The following DLGAP1 variants were observed in gnomAD, a reference collection of about 807,000 sequenced individuals.
DLGAP1 encodes the protein disks large-associated protein 1.
DLGAP1 carries 11 observed loss-of-function variants against 90.8 expected under a neutral mutation model. The observed-to-expected ratio is 0.12, with a 90% CI of 0.08 to 0.20. The LOEUF is 0.20. Ranked by LOEUF, DLGAP1 falls within the 10% of genes least tolerant of loss-of-function variation. The pLI is 1.00. For missense variants in DLGAP1, 1,050 were observed against 1,333.8 expected (o/e 0.79, Z 3.31); for synonymous variants, 558 against 540.7 (o/e 1.03, Z -0.44).
At chr18:4,173,773 C>A (rs1031312265) in intron 1 of DLGAP1, among the ~76,000 whole-genome samples, 1 of 152,146 alleles carries the variant, frequency 6.6e-6, no homozygotes, top group Admixed American at 6.5e-5. Context: ...GTAAACAGAC[C>A]TGATGGAAGC....
At chr18:4,232,716 T>A (rs918935675) in intron 1 of DLGAP1, among the ~76,000 whole-genome samples, 5 of 152,138 alleles carry the variant, frequency 3.3e-5, no homozygotes, top group Non-Finnish European at 7.3e-5. Context: ...TGTAACTCAA[T>A]CCATGGTCAA....
chr18:3,701,748 T>A (rs541404205), intron 7 of DLGAP1, among the ~76,000 whole-genome samples: 9 of 152,308 alleles, frequency 5.9e-5, no homozygotes, highest in South Asian at 4.2e-4. Flanking sequence ...TGGGTTGGTA[T>A]ATTTTGGGTT....
rs145510613 is a variant in DLGAP1 at position 3,690,168 on chromosome 18, A to T, written c.1591+38967T>A. Among the ~76,000 whole-genome samples the T allele has an allele frequency of 2.4e-3, 324 of 137,198 alleles. 9 individuals carry two copies. The East Asian group carries it at 0.055, about 23-fold the overall frequency. The allele number at this position is 137,198 out of a possible 152,430, so 90.0% of individuals were successfully genotyped here. On this transcript the variant is annotated intron_variant, in intron 7 of 12. Transcript: ENST00000315677. ...CTGGTGCAATCACAGCTCACTGCGG[A>T]CTCGAACTCCTGGGCTTAAGTGATC...
intron 1 of DLGAP1, among the ~76,000 whole-genome samples, chr18:4,320,419 G>A (rs975566510): frequency 2.0e-5 from 3 of 152,086 alleles, no homozygotes; most frequent in Admixed American, 6.5e-5. Context: ...GATATATTCT[G>A]TCATTGTCTC....
intron 7 of DLGAP1, chr18:3,656,072 G>T: frequency 6.5e-7 from 1 of 1,542,730 alleles, no homozygotes; most frequent in Non-Finnish European, 8.7e-7. Context: ...TTTTGTGGTT[G>T]TAAAAACATA....
At chr18:3,527,980 T>G (rs905036061) in intron 10 of DLGAP1, among the ~76,000 whole-genome samples, 5 of 152,222 alleles carry the variant, frequency 3.3e-5, no homozygotes, top group Non-Finnish European at 7.3e-5. Context: ...TTATGTACAT[T>G]CACCAAACAT....
chr18:3,988,691 C>A (rs1444289208), intron 3 of DLGAP1, among the ~76,000 whole-genome samples: 1 of 152,102 alleles, frequency 6.6e-6, no homozygotes, highest in Non-Finnish European at 1.5e-5. Context: ...GCGATGCAGC[C>A]CGGTTCCTAA....
intron 3 of DLGAP1, among the ~76,000 whole-genome samples, chr18:3,961,209 C>T (rs1001901497): frequency 6.6e-6 from 1 of 152,104 alleles, no homozygotes; most frequent in Non-Finnish European, 1.5e-5. Context: ...ATCCTGAGGC[C>T]TCTCTCCTGC....
At chr18:4,015,637 C>A (rs778504169) in intron 2 of DLGAP1, among the ~76,000 whole-genome samples, 1 of 152,080 alleles carries the variant, frequency 6.6e-6, no homozygotes, top group Non-Finnish European at 1.5e-5. Flanking sequence ...ACACTGGCTA[C>A]GACATATCAG....
chr18:3,770,043 T>C (rs572795537), intron 5 of DLGAP1: 12 of 152,278 alleles, frequency 7.9e-5, no homozygotes, highest in African/African-American at 2.9e-4. Context: ...AGTTCAAAGC[T>C]GGACATTGGA....
chr18:3,902,689 C>T (rs2071810158), intron 3 of DLGAP1, among the ~76,000 whole-genome samples: 1 of 152,144 alleles, frequency 6.6e-6, no homozygotes, highest in Non-Finnish European at 1.5e-5. Flanking sequence ...TTTAGTTTAG[C>T]TTTAAAGACT....
At chr18:4,061,775 A>T in intron 2 of DLGAP1, among the ~76,000 whole-genome samples, 1 of 152,200 alleles carries the variant, frequency 6.6e-6, no homozygotes, top group South Asian at 2.1e-4. Context: ...ACAGTAAATT[A>T]TGTGTGCCAC....
At chr18:3,965,649 C>T (rs2073310226) in intron 3 of DLGAP1, among the ~76,000 whole-genome samples, 1 of 152,058 alleles carries the variant, frequency 6.6e-6, no homozygotes, top group African/African-American at 2.4e-5. Flanking sequence ...AAGTACTGTT[C>T]TAAATAATAG....
intron 1 of DLGAP1, among the ~76,000 whole-genome samples, chr18:4,441,682 A>T (rs1168529825): frequency 6.6e-6 from 1 of 152,222 alleles, no homozygotes; most frequent in Non-Finnish European, 1.5e-5. Context: ...AAGAGAAGTG[A>T]CACTTCAAGA....
chr18:4,451,887 T>C (rs752668728), intron 1 of DLGAP1, among the ~76,000 whole-genome samples: 4 of 152,154 alleles, frequency 2.6e-5, no homozygotes, highest in Non-Finnish European at 5.9e-5. Context: ...ACCACAGACA[T>C]AGGCATAGAT....
intron 9 of DLGAP1, among the ~76,000 whole-genome samples, chr18:3,559,599 A>G (rs1283935522): frequency 7.0e-6 from 1 of 141,926 alleles, no homozygotes; most frequent in Non-Finnish European, 1.5e-5. Context: ...AGTTTGCATT[A>G]TGCATTTACC....
At chr18:4,275,891 A>C (rs991091536) in intron 1 of DLGAP1, among the ~76,000 whole-genome samples, 24 of 152,200 alleles carry the variant, frequency 1.6e-4, no homozygotes, top group Admixed American at 1.6e-3. Flanking sequence ...TCCAGAAGTG[A>C]GTTCATTGAT....
chr18:3,915,169 G>T (rs773023819), intron 3 of DLGAP1, among the ~76,000 whole-genome samples: 13 of 152,152 alleles, frequency 8.5e-5, no homozygotes, highest in African/African-American at 2.7e-4. Flanking sequence ...TTCTTTTGAG[G>T]CATGTCTATT....
rs1381854878 is a variant in DLGAP1 at position 3,716,994 on chromosome 18, G to A, written c.1591+12141C>T. On this transcript the variant is annotated intron_variant, in intron 7 of 12. Coordinates refer to ENST00000315677, the MANE Select transcript of DLGAP1 (RefSeq NM_004746.4). ...AATTTAAAAATTTTTTTAGAGAGTG[G>A]GTTGTTTCTTATGGCTTGGAGCGGT... 4.0e-5 allele frequency among the ~76,000 whole-genome samples: 6 copies of A among 150,340 alleles called. No homozygotes were observed. The East Asian group carries it at 1.2e-3, about 29-fold the overall frequency.
Sources: allele counts gnomAD v4.1 joint callset (sites outside exome capture counted in the v4.1 genomes callset), GRCh38; gene constraint gnomAD v4.1.1; transcripts MANE v1.5; gene names NCBI Gene and HGNC (gene_info 2026-07-23, HGNC 2026-07-21).